The following ADGRB3 variants were observed in gnomAD, a reference collection of about 807,000 sequenced individuals.
The protein encoded by ADGRB3 is brain-specific angiogenesis inhibitor 3.
ADGRB3 carries 37 observed loss-of-function variants against 193.4 expected under a neutral mutation model. The ratio of observed to expected loss-of-function variants is 0.19; its 90% CI spans 0.15 to 0.25. ADGRB3 has a LOEUF of 0.25. ADGRB3 is among the 10% of genes least tolerant of loss of function. ADGRB3 has a pLI of 1.00. For synonymous variants in ADGRB3, 690 were observed against 644.2 expected (o/e 1.07, Z -1.08); for missense variants, 1,637 against 1,852.9 (o/e 0.88, Z 2.14).
intron 3 of ADGRB3, among the ~76,000 whole-genome samples, chr6:68,653,544 A>G (rs1382410096): frequency 6.6e-6 from 1 of 152,082 alleles, no homozygotes; most frequent in African/African-American, 2.4e-5. Flanking sequence ...TCTAGAACCC[A>G]TTTTAGGTAT....
chr6:69,208,837 A>C (rs777114612), intron 17 of ADGRB3, among the ~76,000 whole-genome samples: 1 of 152,218 alleles, frequency 6.6e-6, no homozygotes, highest in Non-Finnish European at 1.5e-5. Context: ...GGTGCTATAC[A>C]TAACCCATTT....
intron 11 of ADGRB3, among the ~76,000 whole-genome samples, chr6:69,007,078 C>A (rs1674553038): frequency 6.6e-6 from 1 of 152,118 alleles, no homozygotes; most frequent in Non-Finnish European, 1.5e-5. Context: ...ACAAAGTTCA[C>A]TTTCTTTTCT....
At position 69,272,797 on chromosome 6, in the gene ADGRB3, C is replaced by T. The variant is rs558090323; in HGVS notation, c.2814+33571C>T. The stretch of plus-strand genomic sequence containing the variant: ...GGTGCTTTTGGGCAGCAGAGAAAGG[C>T]TTGCCTGTTCCCTGGCAGCTAGTCT... On this transcript the variant is annotated intron_variant, in intron 20 of 31. Transcript: ENST00000370598. 1.1e-4 allele frequency among the ~76,000 whole-genome samples: 17 copies of T among 152,302 alleles called. No individual in the cohort carries two copies. In the East Asian group the frequency reaches 3.1e-3, roughly 28 times the overall value.
intron 17 of ADGRB3, among the ~76,000 whole-genome samples, chr6:69,090,134 C>G (rs925018342): frequency 7.2e-5 from 11 of 152,154 alleles, no homozygotes; most frequent in African/African-American, 1.2e-4. Context: ...ATTTTCTAAA[C>G]TTCTATTACC....
At chr6:69,291,586 G>T (rs1206379246) in intron 20 of ADGRB3, among the ~76,000 whole-genome samples, 3 of 152,022 alleles carry the variant, frequency 2.0e-5, no homozygotes, top group Middle Eastern at 3.2e-3. Flanking sequence ...TTAATATTCA[G>T]AATTGGGTTA....
intron 17 of ADGRB3, among the ~76,000 whole-genome samples, chr6:69,226,919 C>T (rs112353757): frequency 0.017 from 2,634 of 152,312 alleles, 38 homozygotes; most frequent in Non-Finnish European, 0.025. Context: ...CTTAGGCTAA[C>T]AAGTCACACA....
chr6:69,265,651 C>T (rs1179820229), intron 20 of ADGRB3, among the ~76,000 whole-genome samples: 2 of 151,960 alleles, frequency 1.3e-5, no homozygotes, highest in Non-Finnish European at 1.5e-5. Flanking sequence ...ATCCAAAATA[C>T]TTCTTCTCTA....
intron 17 of ADGRB3, among the ~76,000 whole-genome samples, chr6:69,197,989 T>G (rs1331617095): frequency 6.6e-6 from 1 of 152,112 alleles, no homozygotes; most frequent in Non-Finnish European, 1.5e-5. Flanking sequence ...CCTTTATCTT[T>G]TCATACTATT....
Position 69,018,510 on chromosome 6 carries a change from G to T in ADGRB3, c.2107+11G>T. 6.4e-7 allele frequency: 1 copy of T among 1,559,824 alleles called. No homozygotes were observed. The highest frequency in any genetic ancestry group is 1.1e-5 in the South Asian group (1 of 88,558). Reference sequence around the variant, plus strand: ...TGACTGGAAATGTAGGTAAGAAATAGGATTTTCCCCCAAAATCTTTCTGAA... The same window carrying T: ...TGACTGGAAATGTAGGTAAGAAATATGATTTTCCCCCAAAATCTTTCTGAA... On this transcript the variant is annotated intron_variant, in intron 13 of 31. Transcript: ENST00000370598.
At chr6:69,021,638 T>C (rs1582399809) in intron 13 of ADGRB3, among the ~76,000 whole-genome samples, 1 of 151,934 alleles carries the variant, frequency 6.6e-6, no homozygotes, top group Non-Finnish European at 1.5e-5. Flanking sequence ...GCATTAGTTC[T>C]AAGACTTAGG....
chr6:68,799,944 A>G (rs1039034696), intron 3 of ADGRB3, among the ~76,000 whole-genome samples: 4 of 152,168 alleles, frequency 2.6e-5, no homozygotes, highest in Admixed American at 6.5e-5. Context: ...TTCCTGTTTT[A>G]TGCCATTTGA....
rs1464037747 is a variant in ADGRB3 at position 69,232,590 on chromosome 6, G to A, written c.2481-700G>A. 7 of 1,535,580 alleles carry A rather than the reference G, an allele frequency of 4.6e-6. No individual in the cohort carries two copies. The Admixed American group carries it at 5.9e-5, about 13-fold the overall frequency. ...GGAAAGAAATGTCAAGGACGTCAGA[G>A]GCGAGCTGGACTGAGTGAAGTGTGG... is the stretch of plus-strand genomic sequence containing the variant. On this transcript the variant is annotated intron_variant, in intron 17 of 31. Coordinates refer to ENST00000370598, the MANE Select transcript of ADGRB3 (RefSeq NM_001704.3).
chr6:69,174,878 CT>C (rs1775381086), intron 17 of ADGRB3, among the ~76,000 whole-genome samples: 1 of 152,110 alleles, frequency 6.6e-6, no homozygotes, highest in South Asian at 2.1e-4. Flanking sequence ...GAATTTTTCA[CT>C]TTTTTGACCA....
rs548623515 is a variant in ADGRB3 at position 69,158,530 on chromosome 6, G to A, written c.2481-74760G>A. Among the ~76,000 whole-genome samples the A allele has an allele frequency of 1.7e-4, 26 of 151,534 alleles. 1 individual carries two copies. Among genetic ancestry groups the A allele is most frequent in the African/African-American group, 5.6e-4 (23 of 41,416 alleles). On this transcript the variant is annotated intron_variant, in intron 17 of 31. Transcript: ENST00000370598. ...TCTAATTGAAAGACATTCTGGCTAAGAATTATGCTTCAGTCAAATGAAATA... is the reference window on the plus strand; with the variant it reads ...TCTAATTGAAAGACATTCTGGCTAAAAATTATGCTTCAGTCAAATGAAATA...
chr6:68,989,277 AATC>A (rs533436612), intron 10 of ADGRB3, among the ~76,000 whole-genome samples: 277 of 152,290 alleles, frequency 1.8e-3, no homozygotes, highest in African/African-American at 6.3e-3. Flanking sequence ...AAATAATTAA[AATC>A]ATTAAGATGT....
intron 7 of ADGRB3, 68 bp from the exon 8 acceptor site, chr6:68,956,577 C>T: frequency 6.3e-7 from 1 of 1,581,274 alleles, no homozygotes; most frequent in Non-Finnish European, 8.6e-7. Flanking sequence ...GTAACATTCT[C>T]AGATTTTAAA....
At position 69,014,065 on chromosome 6, in the gene ADGRB3, C is replaced by G. The variant is rs752726834; in HGVS notation, c.1957C>G (p.Leu653Val). ...CTTCTTTCAAATAGTTAGCAACCTTCTAGATGAAGAAAACAAGGAAAAATG... is the reference window on the plus strand; with the variant it reads ...CTTCTTTCAAATAGTTAGCAACCTTGTAGATGAAGAAAACAAGGAAAAATG... Reference protein sequence around the residue: ...QNFFQIVSNLLDEENKEKWED... With the variant: ...QNFFQIVSNLVDEENKEKWED... The change falls in exon 12 of 32, where the codon CTA becomes GTA. Residue 653 changes from leucine to valine, a missense_variant. This residue lies in a region of ADGRB3 where 641 missense variants were observed against 673.9 expected (regional missense o/e 0.95). Coordinates refer to ENST00000370598, the MANE Select transcript of ADGRB3 (RefSeq NM_001704.3). 71 of 1,601,310 alleles carry G rather than the reference C, an allele frequency of 4.4e-5. No homozygotes were observed. The highest frequency in any genetic ancestry group is 4.0e-5 in the Non-Finnish European group (47 of 1,171,760).
chr6:68,963,777 A>G (rs949204858), intron 8 of ADGRB3, among the ~76,000 whole-genome samples: 5 of 152,066 alleles, frequency 3.3e-5, no homozygotes, highest in African/African-American at 9.7e-5. Flanking sequence ...TTCTCCCACA[A>G]TCTCATAAGT....
At position 68,807,844 on chromosome 6, in the gene ADGRB3, T is replaced by C. The variant is rs115440461; in HGVS notation, c.758-122715T>C. Among the ~76,000 whole-genome samples, 1,005 of 152,310 alleles carry C rather than the reference T, an allele frequency of 6.6e-3. 15 individuals are homozygous for C. Among genetic ancestry groups the C allele is most frequent in the African/African-American group, 0.023 (952 of 41,576 alleles). Reference sequence around the variant, plus strand: ...ATAGCTCAGTTGGTTAAATTTATCATCAGTTAGTTAATACTGTAGAGAATT... The same window carrying C: ...ATAGCTCAGTTGGTTAAATTTATCACCAGTTAGTTAATACTGTAGAGAATT... On this transcript the variant is annotated intron_variant, in intron 3 of 31. Transcript: ENST00000370598.
Sources: gnomAD v4.1 joint callset for allele counts (sites outside exome capture counted in the v4.1 genomes callset) on GRCh38, gnomAD v4.1.1 for gene constraint, gnomAD v4.1.1 regional missense constraint, MANE v1.5 for transcripts, NCBI Gene and HGNC (gene_info 2026-07-23, HGNC 2026-07-21) for gene names.